Variants in CBLB observed in about 807,000 individuals in gnomAD.
CBLB encodes Cbl proto-oncogene B.
In CBLB, 31 loss-of-function variants were observed where a neutral mutation model predicts 104.9. The observed-to-expected ratio is 0.30, with a 90% confidence interval of 0.22 to 0.40. The LOEUF (loss-of-function observed/expected upper bound fraction) is 0.40, where lower values mean the gene tolerates loss of function less well. Among genes scored for constraint, CBLB ranks in the 10% least tolerant of loss-of-function variants. CBLB has a pLI of 1.00. For synonymous variants in CBLB, 440 were observed against 422.6 expected (o/e 1.04, Z -0.51); for missense variants, 1,062 against 1,214.6 (o/e 0.87, Z 1.87).
rs1288752065 is a variant in CBLB at position 105,780,653 on chromosome 3, GTTTTTTGTT to G, written c.420-4120_420-4112del. On this transcript the variant is annotated intron_variant, in intron 3 of 18. Coordinates refer to ENST00000394030, the MANE Select transcript of CBLB (RefSeq NM_170662.5). ...TAAATAATTTTACAATAAAAGTTTT[GTTTTTTGTT>G]TTTTTTTTTTTTTTTTTTGAGATGG... is the stretch of plus-strand genomic sequence containing the variant. Among the ~76,000 whole-genome samples, 525 of 84,642 alleles carry G rather than the reference GTTTTTTGTT, an allele frequency of 6.2e-3. 9 individuals carry two copies. The highest frequency in any genetic ancestry group is 0.057 in the East Asian group (190 of 3,342). The allele number at this position is 84,642 out of a possible 152,430, so 55.5% of individuals were successfully genotyped here. A position where few individuals can be genotyped will look rare whatever the true frequency, so the allele number is the denominator to read the frequency against.
chr3:105,772,976 TG>T (rs1177121112), intron 4 of CBLB, among the ~76,000 whole-genome samples: 1 of 152,208 alleles, frequency 6.6e-6, no homozygotes, highest in Non-Finnish European at 1.5e-5. Context: ...GAAAACAGTA[TG>T]GAGACTCTTT....
chr3:105,796,994 G>A (rs1202375049), intron 3 of CBLB, among the ~76,000 whole-genome samples: 1 of 152,148 alleles, frequency 6.6e-6, no homozygotes, highest in Non-Finnish European at 1.5e-5. Flanking sequence ...TGGTAGGAGT[G>A]TAAATTAGTT....
At chr3:105,726,630 T>C (rs776695738) in intron 9 of CBLB, among the ~76,000 whole-genome samples, 2 of 152,030 alleles carry the variant, frequency 1.3e-5, no homozygotes, top group South Asian at 4.2e-4. Flanking sequence ...GGTATACACA[T>C]GCCATGGTGG....
At chr3:105,706,715 T>C (rs1168133920) in intron 10 of CBLB, among the ~76,000 whole-genome samples, 1 of 152,224 alleles carries the variant, frequency 6.6e-6, no homozygotes, top group Non-Finnish European at 1.5e-5. Flanking sequence ...TTTGTTGATA[T>C]GGCTACTCTC....
chr3:105,837,234 A>G lies in CBLB; in HGVS notation c.419+16180T>C, dbSNP rs143376505. Among the ~76,000 whole-genome samples, 418 of 152,344 alleles carry G rather than the reference A, an allele frequency of 2.7e-3. 1 individual carries two copies. Among genetic ancestry groups the G allele is most frequent in the Non-Finnish European group, 4.9e-3 (333 of 68,022 alleles). On this transcript the variant is annotated intron_variant, in intron 3 of 18. Coordinates refer to ENST00000394030, the MANE Select transcript of CBLB (RefSeq NM_170662.5). ...CACTGCCTCAAGAGTCCTGAATAAT[A>G]TAACAACCATCTGCTGCACAGCAAG...
intron 3 of CBLB, among the ~76,000 whole-genome samples, chr3:105,780,667 T>TTTTTG (rs1560209561): frequency 1.6e-5 from 2 of 121,240 alleles, no homozygotes; most frequent in African/African-American, 6.5e-5. Context: ...TTTGTTTTTT[T>TTTTTG]TTTTTTTTTT....
chr3:105,868,266 A>C, intron 1 of CBLB: 1 of 1,226,342 alleles, frequency 8.2e-7, no homozygotes. Flanking sequence ...AAAAATGACA[A>C]GAGCGGCCAC....
At chr3:105,830,739 T>A (rs553530963) in intron 3 of CBLB, among the ~76,000 whole-genome samples, 1 of 152,232 alleles carries the variant, frequency 6.6e-6, no homozygotes, top group South Asian at 2.1e-4. Context: ...ATCTAAAGAG[T>A]AGCCTAATGT....
intron 3 of CBLB, among the ~76,000 whole-genome samples, chr3:105,783,226 A>C (rs1162471217): frequency 1.3e-5 from 2 of 152,224 alleles, no homozygotes; most frequent in Non-Finnish European, 2.9e-5. Flanking sequence ...CTCATTTCTA[A>C]AAATTTTGAA....
intron 7 of CBLB, among the ~76,000 whole-genome samples, chr3:105,738,249 C>T (rs1243146103): frequency 6.6e-6 from 1 of 151,952 alleles, no homozygotes; most frequent in East Asian, 1.9e-4. Context: ...TATTTATCCT[C>T]GAATGAGGAG....
chr3:105,858,824 A>C (rs1278885281), intron 2 of CBLB, among the ~76,000 whole-genome samples: 2 of 152,226 alleles, frequency 1.3e-5, no homozygotes, highest in Non-Finnish European at 2.9e-5. Flanking sequence ...AACTGTCTCC[A>C]TACCAATATA....
rs372314540 is a variant in CBLB at position 105,702,176 on chromosome 3, T to C, written c.1877A>G (p.Asn626Ser). The C allele has an allele frequency of 1.4e-5, 23 of 1,614,028 alleles. No homozygotes were observed. The highest frequency in any genetic ancestry group is 1.6e-4 in the Middle Eastern group (1 of 6,084). Residue 626 changes from asparagine to serine, a missense_variant, in exon 12 of 19, where the codon AAT (asparagine) becomes AGT (serine). By Grantham distance (46) the Asn-to-Ser change is conservative. Coordinates refer to ENST00000394030, the MANE Select transcript of CBLB (RefSeq NM_170662.5). ...AGAGCCCACTCTACTGTGCCTTCCA[T>C]TGACATTTGAACTCGCTGTGATTCC... is the stretch of plus-strand genomic sequence containing the variant. ...KPGITASSNV[N>S]GRHSRVGSDP...
rs1285096872 is a variant in CBLB, at chr3:105,659,212, C to T, written c.2707G>A (p.Ala903Thr). The T allele has an allele frequency of 3.1e-6, 5 of 1,613,776 alleles. No individual in the cohort carries two copies. The African/African-American group carries it at 4.0e-5, about 13-fold the overall frequency. ...CGCGGTCGTGGTTTAGGGGGTCTGG[C>T]TGGTGCCTGTGAACCATCTGTGTAG... ...PSCSDGSQAP[A>T]RPPKPRPRRT... The change falls in exon 19 of 19, where the codon GCC becomes ACC. Residue 903 changes from alanine (A) to threonine (T), a missense_variant. Around this residue, in one of 2 missense-constraint regions of CBLB, gnomAD observed 605 missense variants for 582.6 expected, o/e 1.04. Coordinates refer to ENST00000394030, the MANE Select transcript of CBLB (RefSeq NM_170662.5).
intron 17 of CBLB, among the ~76,000 whole-genome samples, chr3:105,678,187 C>T (rs1195419103): frequency 6.6e-6 from 1 of 152,164 alleles, no homozygotes; most frequent in African/African-American, 2.4e-5. Flanking sequence ...CTGGACTGGA[C>T]AATCTCTACA....
At chr3:105,857,318 C>T (rs1228274118) in intron 2 of CBLB, among the ~76,000 whole-genome samples, 4 of 152,100 alleles carry the variant, frequency 2.6e-5, no homozygotes, top group Non-Finnish European at 5.9e-5. Flanking sequence ...GTGGAAATTG[C>T]TTGAACTACT....
chr3:105,805,001 A>G (rs780964277), intron 3 of CBLB, among the ~76,000 whole-genome samples: 127 of 152,280 alleles, frequency 8.3e-4, no homozygotes, highest in Non-Finnish European at 1.4e-3. Flanking sequence ...CCACCACCAC[A>G]GTAGTTGCTG....
chr3:105,728,143 T>C (rs1349197310), intron 9 of CBLB, among the ~76,000 whole-genome samples: 1 of 152,216 alleles, frequency 6.6e-6, no homozygotes, highest in Non-Finnish European at 1.5e-5. Context: ...ATTTTGGCCA[T>C]TTTCATGATA....
chr3:105,692,224 A>C (rs953985414), intron 13 of CBLB, among the ~76,000 whole-genome samples: 3 of 152,206 alleles, frequency 2.0e-5, no homozygotes, highest in Non-Finnish European at 4.4e-5. Flanking sequence ...TTCTCTGTGT[A>C]CTTACTTACT....
intron 2 of CBLB, among the ~76,000 whole-genome samples, chr3:105,860,198 T>C (rs1300684061): frequency 1.5e-4 from 23 of 152,216 alleles, no homozygotes; most frequent in Non-Finnish European, 5.9e-5. Context: ...ATATAGTAGA[T>C]GTGCAACAAA....
Sources: allele counts gnomAD v4.1 joint callset (sites outside exome capture counted in the v4.1 genomes callset), GRCh38; gene constraint gnomAD v4.1.1; regional missense constraint gnomAD v4.1.1; transcripts MANE v1.5; gene names NCBI Gene and HGNC (gene_info 2026-07-23, HGNC 2026-07-21).